The following SNTG1 variants were observed in gnomAD, a reference collection of about 807,000 sequenced individuals.
The protein encoded by SNTG1 is gamma-1-syntrophin.
Under a neutral mutation model 74.7 loss-of-function variants are expected in SNTG1, and 39 were observed. The ratio of observed to expected loss-of-function variants is 0.52; its 90% CI spans 0.40 to 0.68. The LOEUF (loss-of-function observed/expected upper bound fraction) is 0.68, where lower values mean the gene tolerates loss of function less well. Ranked by LOEUF, SNTG1 falls within the 30% of genes least tolerant of loss-of-function variation. The pLI is 0.00. For missense variants in SNTG1, 685 were observed against 609.5 expected (o/e 1.12, Z -1.30); for synonymous variants, 254 against 217.1 (o/e 1.17, Z -1.49).
chr8:50,398,416 C>A (rs1024908660), intron 3 of SNTG1, among the ~76,000 whole-genome samples: 11 of 152,176 alleles, frequency 7.2e-5, no homozygotes, highest in African/African-American at 2.2e-4. Flanking sequence ...ACGTGGCATG[C>A]ATTTTCACAC....
chr8:50,618,776 T>G (rs1382549745), intron 13 of SNTG1, among the ~76,000 whole-genome samples: 2 of 152,032 alleles, frequency 1.3e-5, no homozygotes, highest in African/African-American at 4.8e-5. Flanking sequence ...CCACCCTCAA[T>G]TCTCTGTCAT....
intron 2 of SNTG1, among the ~76,000 whole-genome samples, chr8:50,198,534 G>A (rs2083865777): frequency 6.6e-6 from 1 of 152,176 alleles, no homozygotes; most frequent in African/African-American, 2.4e-5. Flanking sequence ...TGCAAGCCCT[G>A]ATGATTTACC....
At chr8:50,011,705 C>G (rs963490246) in intron 1 of SNTG1, 1 of 151,546 alleles carries the variant, frequency 6.6e-6, no homozygotes, top group African/African-American at 2.4e-5. Flanking sequence ...CAATTTTATT[C>G]AAAGATTATC....
At chr8:50,164,184 G>A (rs2082531231) in intron 1 of SNTG1, 1 of 135,158 alleles carries the variant, frequency 7.4e-6, no homozygotes, top group Non-Finnish European at 1.5e-5. Flanking sequence ...TGAACAGAAA[G>A]CTAATTTTTC....
chr8:49,938,603 T>TTTTCTTTCTTTC lies in SNTG1; in HGVS notation c.-103+26401_-103+26412dup, dbSNP rs138959195. 3.1e-3 allele frequency among the ~76,000 whole-genome samples: 229 copies of TTTTCTTTCTTTC among 74,756 alleles called. 12 individuals are homozygous for TTTTCTTTCTTTC. Among genetic ancestry groups the TTTTCTTTCTTTC allele is most frequent in the South Asian group, 9.0e-3 (15 of 1,672 alleles). The allele number at this position is 74,756 out of a possible 152,430, so 49.0% of individuals were successfully genotyped here. On this transcript the variant is annotated intron_variant, in intron 1 of 18. Coordinates refer to ENST00000642720, the MANE Select transcript of SNTG1 (RefSeq NM_018967.5). Reference sequence around the variant, plus strand: ...TTTTCTTTTCTTTTCTTTTCTTTTCTTTTCTTTCTTTCTTTCTTTCTTTCT... The same window carrying TTTTCTTTCTTTC: ...TTTTCTTTTCTTTTCTTTTCTTTTCTTTTCTTTCTTTCTTTCTTTCTTTCTTTCTTTCTTTCT...
At chr8:50,299,085 A>C (rs1424926535) in intron 2 of SNTG1, among the ~76,000 whole-genome samples, 2 of 152,180 alleles carry the variant, frequency 1.3e-5, no homozygotes, top group African/African-American at 4.8e-5. Flanking sequence ...AGTAATTGCT[A>C]ATGTTAAGTA....
chr8:50,523,598 A>G (rs2130200323), intron 9 of SNTG1, among the ~76,000 whole-genome samples: 1 of 152,306 alleles, frequency 6.6e-6, no homozygotes, highest in Middle Eastern at 3.4e-3. Flanking sequence ...GAACACATAC[A>G]ACATTTATTC....
At chr8:50,305,843 T>C (rs1244349946) in intron 2 of SNTG1, among the ~76,000 whole-genome samples, 1 of 151,884 alleles carries the variant, frequency 6.6e-6, no homozygotes, top group Middle Eastern at 3.2e-3. Flanking sequence ...AGCTCCAATT[T>C]ACATTTATCC....
At chr8:50,453,944 T>G (rs941959503) in intron 8 of SNTG1, among the ~76,000 whole-genome samples, 2 of 128,934 alleles carry the variant, frequency 1.6e-5, no homozygotes, top group African/African-American at 2.9e-5. Context: ...GGCAAGACTG[T>G]GTGAAAAATG....
chr8:49,948,730 A>G (rs2129387727), intron 1 of SNTG1, among the ~76,000 whole-genome samples: 1 of 152,264 alleles, frequency 6.6e-6, no homozygotes, highest in African/African-American at 2.4e-5. Flanking sequence ...ATTGATGCCT[A>G]AAGCTCAGTT....
chr8:50,291,656 A>G (rs1256185072), intron 2 of SNTG1, among the ~76,000 whole-genome samples: 1 of 152,152 alleles, frequency 6.6e-6, no homozygotes, highest in Non-Finnish European at 1.5e-5. Context: ...AAGGAGTAAT[A>G]TGATAAAATG....
intron 1 of SNTG1, among the ~76,000 whole-genome samples, chr8:50,057,044 A>G (rs1820084026): frequency 6.6e-6 from 1 of 152,186 alleles, no homozygotes; most frequent in Admixed American, 6.6e-5. Context: ...ATATTTCATC[A>G]TGCACTTCTT....
intron 1 of SNTG1, among the ~76,000 whole-genome samples, chr8:49,981,257 G>A (rs1052879441): frequency 2.0e-5 from 3 of 151,962 alleles, no homozygotes; most frequent in Non-Finnish European, 4.4e-5. Context: ...AAGGAGAGAC[G>A]GGAAAAAATA....
chr8:49,917,481 G>A (rs1335827482), intron 1 of SNTG1, among the ~76,000 whole-genome samples: 1 of 152,166 alleles, frequency 6.6e-6, no homozygotes, highest in Non-Finnish European at 1.5e-5. Flanking sequence ...TAAGTCTGAT[G>A]TCCACTGCAG....
At chr8:50,355,887 A>C (rs1265900083) in intron 2 of SNTG1, among the ~76,000 whole-genome samples, 3 of 152,084 alleles carry the variant, frequency 2.0e-5, no homozygotes, top group Non-Finnish European at 4.4e-5. Context: ...TTTTAGACTG[A>C]GCTGATTCCA....
intron 2 of SNTG1, among the ~76,000 whole-genome samples, chr8:50,180,573 G>T (rs1246105966): frequency 6.6e-6 from 1 of 152,038 alleles, no homozygotes; most frequent in Non-Finnish European, 1.5e-5. Flanking sequence ...TCAATGAAAA[G>T]AAATGCAAGA....
intron 1 of SNTG1, among the ~76,000 whole-genome samples, chr8:49,959,871 C>T (rs4873400): frequency 1.3e-5 from 2 of 152,170 alleles, no homozygotes; most frequent in Non-Finnish European, 2.9e-5. Flanking sequence ...ATGAATGTTA[C>T]TGAAGTCCAT....
intron 1 of SNTG1, among the ~76,000 whole-genome samples, chr8:49,963,358 A>T (rs1277497067): frequency 2.6e-5 from 4 of 152,146 alleles, no homozygotes; most frequent in Non-Finnish European, 5.9e-5. Flanking sequence ...CCCAACTGTG[A>T]TCTTGGCACG....
intron 13 of SNTG1, among the ~76,000 whole-genome samples, chr8:50,629,377 C>T (rs1462018797): frequency 6.6e-6 from 1 of 152,006 alleles, no homozygotes; most frequent in Non-Finnish European, 1.5e-5. Flanking sequence ...AGAGACTATG[C>T]TTGTTCCTTC....
Sources: allele counts gnomAD v4.1 joint callset (sites outside exome capture counted in the v4.1 genomes callset), GRCh38; gene constraint gnomAD v4.1.1; transcripts MANE v1.5; gene names NCBI Gene and HGNC (gene_info 2026-07-23, HGNC 2026-07-21).